IQSEC1: variants seen among roughly 807,000 people sequenced by gnomAD.
The protein encoded by IQSEC1 is IQ motif and Sec7 domain ArfGEF 1.
IQSEC1 carries 31 observed loss-of-function variants against 91.0 expected under a neutral mutation model. The observed-to-expected ratio is 0.34, with a 90% CI of 0.26 to 0.46. IQSEC1 has a LOEUF of 0.46. Ranked by LOEUF, IQSEC1 falls within the 20% of genes least tolerant of loss-of-function variation. IQSEC1 has a pLI of 1.00. For synonymous variants in IQSEC1, 699 were observed against 662.6 expected (o/e 1.05, Z -0.84); for missense variants, 1,388 against 1,575.6 (o/e 0.88, Z 2.02).
At chr3:13,063,973 G>T (rs1420032903) in intron 1 of IQSEC1, among the ~76,000 whole-genome samples, 1 of 150,102 alleles carries the variant, frequency 6.7e-6, no homozygotes, top group Non-Finnish European at 1.5e-5. Context: ...TTTTTATTTT[G>T]AGATAATCGT....
intron 2 of IQSEC1, among the ~76,000 whole-genome samples, chr3:13,141,764 A>C (rs1209844923): frequency 6.6e-6 from 1 of 152,228 alleles, no homozygotes; most frequent in East Asian, 1.9e-4. Context: ...CAGGTGCGAC[A>C]AAGAAAGAGG....
At chr3:13,241,305 T>C (rs1695018022) in intron 1 of IQSEC1, among the ~76,000 whole-genome samples, 2 of 152,206 alleles carry the variant, frequency 1.3e-5, no homozygotes, top group Admixed American at 1.3e-4. Flanking sequence ...ACAAAATATG[T>C]CAAGTTGGAA....
chr3:13,156,877 C>T (rs900588375), intron 2 of IQSEC1, among the ~76,000 whole-genome samples: 2 of 152,174 alleles, frequency 1.3e-5, no homozygotes, highest in Non-Finnish European at 2.9e-5. Flanking sequence ...CCCTGGGACA[C>T]TAATGAGCTT....
intron 1 of IQSEC1, among the ~76,000 whole-genome samples, chr3:12,944,500 T>A (rs1699039306): frequency 6.6e-6 from 1 of 151,450 alleles, no homozygotes; most frequent in African/African-American, 2.4e-5. Context: ...CCTGTGCACC[T>A]CCCTCCTGTC....
intron 1 of IQSEC1, among the ~76,000 whole-genome samples, chr3:12,968,652 T>C (rs1700754091): frequency 6.6e-6 from 1 of 152,204 alleles, no homozygotes; most frequent in African/African-American, 2.4e-5. Flanking sequence ...TTATCTGTCC[T>C]TGGGCTCCAT....
At chr3:13,249,270 C>T (rs1470718915) in intron 1 of IQSEC1, among the ~76,000 whole-genome samples, 3 of 142,376 alleles carry the variant, frequency 2.1e-5, no homozygotes, top group Non-Finnish European at 4.5e-5. Flanking sequence ...CTCCTAGGTT[C>T]TTGCCATTCT....
intron 12 of IQSEC1, among the ~76,000 whole-genome samples, chr3:12,905,214 C>T (rs1694841670): frequency 6.6e-6 from 1 of 152,254 alleles, no homozygotes; most frequent in African/African-American, 2.4e-5. Context: ...CAAGCCAGCC[C>T]TGGGCAGAGC....
intron 1 of IQSEC1, among the ~76,000 whole-genome samples, chr3:13,267,112 T>G (rs1695505285): frequency 6.6e-6 from 1 of 152,190 alleles, no homozygotes; most frequent in African/African-American, 2.4e-5. Context: ...GGTGAGGTCA[T>G]GAGGGCAGAG....
At position 12,924,920 on chromosome 3, in the gene IQSEC1, A is replaced by C. The variant is rs1696979025; in HGVS notation, c.1569-178T>G. ...CCATCTCCAGCCTGGGTGGGAACTC[A>C]AGAACCCAGGCTGGCACTGGAAGAC... On this transcript the variant is annotated intron_variant, in intron 3 of 13. Transcript: ENST00000613206. The surrounding 1 kb of genome is among the most constrained non-coding windows in gnomAD (Gnocchi z 6.3). Among the ~76,000 whole-genome samples the C allele has an allele frequency of 6.6e-6, 1 of 152,172 alleles. No homozygotes were observed. The highest frequency in any genetic ancestry group is 2.1e-4 in the South Asian group (1 of 4,822).
chr3:13,276,902 G>A lies in IQSEC1; in HGVS notation c.272+5809C>T, dbSNP rs897148759. On this transcript the variant is annotated intron_variant, in intron 1 of 15. Coordinates refer to the IQSEC1 transcript ENST00000648114. Reference sequence around the variant, plus strand: ...GGGTGGGGGCAGCACACTGGAGGCCGCTGAACTCGGACTGCCTCCTGGCCC... The same window carrying A: ...GGGTGGGGGCAGCACACTGGAGGCCACTGAACTCGGACTGCCTCCTGGCCC... 1.4e-4 allele frequency among the ~76,000 whole-genome samples: 22 copies of A among 152,152 alleles called. 1 individual carries two copies. The South Asian group carries it at 2.5e-3, about 17-fold the overall frequency.
chr3:13,154,239 T>A (rs1475533085), intron 2 of IQSEC1, among the ~76,000 whole-genome samples: 1 of 150,466 alleles, frequency 6.6e-6, no homozygotes, highest in Non-Finnish European at 1.5e-5. Flanking sequence ...CTGGACACCA[T>A]CATTAGTGGG....
intron 12 of IQSEC1, among the ~76,000 whole-genome samples, chr3:12,906,590 A>G (rs1695012975): frequency 6.6e-6 from 1 of 152,100 alleles, no homozygotes; most frequent in African/African-American, 2.4e-5. Context: ...CTCAGTCCCT[A>G]TTGTCCGTCT....
chr3:13,155,377 A>C (rs1245191542), intron 2 of IQSEC1, among the ~76,000 whole-genome samples: 3 of 152,238 alleles, frequency 2.0e-5, no homozygotes, highest in Non-Finnish European at 4.4e-5. Flanking sequence ...CATATAACCT[A>C]GATGATTCAA....
chr3:13,155,018 C>A (rs964588942), intron 2 of IQSEC1, among the ~76,000 whole-genome samples: 1 of 151,918 alleles, frequency 6.6e-6, no homozygotes, highest in Non-Finnish European at 1.5e-5. Context: ...TAGCTTGATA[C>A]GTTAAATAAA....
chr3:13,030,474 C>G (rs1432199380), intron 1 of IQSEC1, among the ~76,000 whole-genome samples: 2 of 152,208 alleles, frequency 1.3e-5, no homozygotes, highest in Non-Finnish European at 1.5e-5. Context: ...TTAAAATCAA[C>G]TGGCTTAAAA....
chr3:13,134,922 G>A (rs1706682795), intron 2 of IQSEC1, among the ~76,000 whole-genome samples: 1 of 152,136 alleles, frequency 6.6e-6, no homozygotes, highest in African/African-American at 2.4e-5. Context: ...TGAATCCAGG[G>A]CTCGGGACAG....
rs546644971 is a variant in IQSEC1 at position 13,118,372 on chromosome 3, C to A, written c.302+45732G>T. Reference sequence around the variant, plus strand: ...GATGTTTGCACACACATGTTCATAACAGCATTATTTACAGTTGCCAAATGG... The same window carrying A: ...GATGTTTGCACACACATGTTCATAAAAGCATTATTTACAGTTGCCAAATGG... On this transcript the variant is annotated intron_variant, in intron 2 of 15. Coordinates refer to the IQSEC1 transcript ENST00000648114. Among the ~76,000 whole-genome samples the A allele has an allele frequency of 3.9e-5, 6 of 152,304 alleles. No homozygotes were observed. In the East Asian group the frequency reaches 1.2e-3, roughly 29 times the overall value.
chr3:12,922,375 G>C lies in IQSEC1; in HGVS notation c.1731-133C>G. On this transcript the variant is annotated intron_variant, in intron 4 of 13. Coordinates refer to ENST00000613206, the MANE Select transcript of IQSEC1 (RefSeq NM_001134382.3). This position sits in a 1 kb window ranked among gnomAD's most constrained non-coding sequence, Gnocchi z 5.1. ...GCAGGGAGAGCCCCTGCCTGACTCC[G>C]ACCAATCAGCCAAGAGCCCTCAGAA... 8.8e-7 allele frequency: 1 copy of C among 1,134,960 alleles called. No individual in the cohort carries two copies. The highest frequency in any genetic ancestry group is 1.2e-6 in the Non-Finnish European group (1 of 842,038). The allele number at this position is 1,134,960 out of a possible 1,614,324, so 70.3% of individuals were successfully genotyped here.
At chr3:13,071,037 C>T (rs897507316) in intron 1 of IQSEC1, among the ~76,000 whole-genome samples, 1 of 152,154 alleles carries the variant, frequency 6.6e-6, no homozygotes, top group African/African-American at 2.4e-5. Context: ...ACGGGAACAT[C>T]AACCACACCT....
Sources: gnomAD v4.1 joint callset for allele counts (sites outside exome capture counted in the v4.1 genomes callset) on GRCh38, gnomAD v4.1.1 for gene constraint, Gnocchi (gnomAD v3.1) non-coding constraint, MANE v1.5 for transcripts, NCBI Gene and HGNC (gene_info 2026-07-23, HGNC 2026-07-21) for gene names.